The following FRY variants were observed in gnomAD, a reference collection of about 807,000 sequenced individuals.
FRY encodes protein furry homolog.
Under a neutral mutation model 348.4 loss-of-function variants are expected in FRY, and 128 were observed. That is an observed-to-expected ratio of 0.37 (90% confidence interval 0.32 to 0.43). FRY has a LOEUF of 0.43. Among genes scored for constraint, FRY ranks in the 20% least tolerant of loss-of-function variants. The probability of loss-of-function intolerance (pLI) is 1.00; values close to 1 mark genes in which losing one functional copy is unlikely to be tolerated. For missense variants in FRY, 2,736 were observed against 3,695.2 expected (o/e 0.74, Z 6.73); for synonymous variants, 1,370 against 1,374.7 (o/e 1.00, Z 0.08).
chr13:32,183,002 T>C lies in FRY; in HGVS notation c.3022T>C (p.Leu1008=). The C allele has an allele frequency of 1.9e-6, 3 of 1,606,722 alleles. No homozygotes were observed. Among genetic ancestry groups the C allele is most frequent in the Non-Finnish European group, 1.7e-6 (2 of 1,173,780 alleles). The change falls in exon 24 of 61, where the codon TTA becomes CTA. Residue 1008 remains leucine (L), a synonymous_variant. Coordinates refer to ENST00000542859, the MANE Select transcript of FRY (RefSeq NM_023037.3). ...FRELVEELHP[L]MKEALERRPE... is the part of the protein sequence containing the mutation. ...AGAATTGGTAGAAGAACTTCATCCATTAATGAAAGAAGCTCTGGAAAGAAG... is the reference window on the plus strand; with the variant it reads ...AGAATTGGTAGAAGAACTTCATCCACTAATGAAAGAAGCTCTGGAAAGAAG...
chr13:32,151,836 T>A (rs1304628289), intron 14 of FRY, among the ~76,000 whole-genome samples: 1 of 152,134 alleles, frequency 6.6e-6, no homozygotes, highest in Non-Finnish European at 1.5e-5. Context: ...AGCGTATAGA[T>A]TGGAAAGGAA....
intron 2 of FRY, among the ~76,000 whole-genome samples, chr13:32,094,660 C>G (rs1458473414): frequency 6.6e-6 from 1 of 152,152 alleles, no homozygotes; most frequent in Non-Finnish European, 1.5e-5. Flanking sequence ...ACCTCCAGTT[C>G]CATCCATGTT....
chr13:32,036,425 A>C (rs935416107), intron 1 of FRY, among the ~76,000 whole-genome samples: 4 of 152,204 alleles, frequency 2.6e-5, no homozygotes, highest in Non-Finnish European at 5.9e-5. Flanking sequence ...CCATGTTCTC[A>C]AAATAGAAAG....
rs778618289 is a variant in FRY, at chr13:32,161,193, A to G, written c.1834A>G (p.Ile612Val). The G allele has an allele frequency of 3.7e-6, 6 of 1,613,692 alleles. No homozygotes were observed. The highest frequency in any genetic ancestry group is 1.3e-5 in the African/African-American group (1 of 75,032). ...IDLFRTCVAA[I>V]PRLLPDGMSK... ...TCTTTTCAGGACCTGTGTTGCTGCT[A>G]TTCCTCGACTGCTTCCTGATGGGAT... The change falls in exon 17 of 61, where the codon ATT becomes GTT. Residue 612 changes from isoleucine (I) to valine (V), a missense_variant. By Grantham distance (29) the Ile-to-Val change is conservative. This residue lies in a region of FRY where 191 missense variants were observed against 370.2 expected (regional missense o/e 0.52). Transcript: ENST00000542859.
chr13:32,044,130 G>T (rs1418085606), intron 1 of FRY, among the ~76,000 whole-genome samples: 1 of 152,158 alleles, frequency 6.6e-6, no homozygotes, highest in Admixed American at 6.5e-5. Flanking sequence ...AAATTAACAA[G>T]TTCAATATTT....
At chr13:32,153,004 T>G (rs1055656093) in intron 14 of FRY, among the ~76,000 whole-genome samples, 1 of 152,082 alleles carries the variant, frequency 6.6e-6, no homozygotes, top group African/African-American at 2.4e-5. Context: ...TGAAAAGACA[T>G]TCAACCTCAT....
At chr13:32,193,739 C>T (rs921481663) in intron 28 of FRY, among the ~76,000 whole-genome samples, 1 of 152,112 alleles carries the variant, frequency 6.6e-6, no homozygotes, top group Admixed American at 6.5e-5. Flanking sequence ...GCACCCACCA[C>T]CACGCCCAGC....
intron 2 of FRY, among the ~76,000 whole-genome samples, chr13:32,099,372 A>C (rs916390530): frequency 2.6e-5 from 4 of 151,872 alleles, no homozygotes; most frequent in African/African-American, 9.7e-5. Flanking sequence ...ACATACACAC[A>C]CACAAATAAG....
At chr13:32,058,711 G>A (rs1161377960) in intron 1 of FRY, among the ~76,000 whole-genome samples, 2 of 152,168 alleles carry the variant, frequency 1.3e-5, no homozygotes, top group Non-Finnish European at 2.9e-5. Flanking sequence ...AGTCAGGTGA[G>A]GTGGAGGGCA....
intron 28 of FRY, among the ~76,000 whole-genome samples, chr13:32,188,619 G>A (rs1024066131): frequency 2.0e-5 from 3 of 152,078 alleles, no homozygotes; most frequent in East Asian, 1.9e-4. Flanking sequence ...GTCAACAAGC[G>A]AAATTCCTTG....
chr13:32,245,007 T>C (rs919133552), intron 47 of FRY, among the ~76,000 whole-genome samples: 1 of 152,110 alleles, frequency 6.6e-6, no homozygotes, highest in Non-Finnish European at 1.5e-5. Context: ...TGGAGTGCAG[T>C]GGCACAATCT....
chr13:32,179,610 C>G lies in FRY; in HGVS notation c.2872-65C>G, dbSNP rs1882581236. On this transcript the variant is annotated intron_variant, in intron 22 of 60. Transcript: ENST00000542859. ...TTGAAACTGTTATAATGGGATCATC[C>G]TTTGATTAAAGGAACCATCAGTTAC... 17 of 1,505,300 alleles carry G rather than the reference C, an allele frequency of 1.1e-5. No individual in the cohort carries two copies. In the South Asian group the frequency reaches 1.9e-4, roughly 17 times the overall value. 93.2% of individuals were successfully genotyped at this position (1,505,300 alleles called of 1,614,324 possible).
chr13:32,202,171 A>T, intron 30 of FRY, 131 bp downstream of exon 30: 1 of 801,460 alleles, frequency 1.2e-6, no homozygotes, highest in Non-Finnish European at 2.2e-6. Context: ...GGCTATGAAG[A>T]GTGAGAAAGT....
At chr13:32,095,609 C>T (rs1404773152) in intron 2 of FRY, among the ~76,000 whole-genome samples, 30 of 152,100 alleles carry the variant, frequency 2.0e-4, no homozygotes, top group Admixed American at 2.0e-3. Flanking sequence ...TCCCAAAGTG[C>T]TGAGATTATA....
At chr13:32,172,569 A>G (rs1462403017) in intron 18 of FRY, among the ~76,000 whole-genome samples, 1 of 152,156 alleles carries the variant, frequency 6.6e-6, no homozygotes, top group African/African-American at 2.4e-5. Flanking sequence ...TCAGAGGAGA[A>G]CCAGGGTGGT....
chr13:32,203,502 C>T (rs890833754), intron 31 of FRY, among the ~76,000 whole-genome samples: 1 of 152,082 alleles, frequency 6.6e-6, no homozygotes, highest in Non-Finnish European at 1.5e-5. Flanking sequence ...GAGGGCTAAT[C>T]ACCTGAGGTC....
intron 29 of FRY, among the ~76,000 whole-genome samples, chr13:32,195,202 T>C (rs1883602015): frequency 1.3e-5 from 2 of 152,194 alleles, no homozygotes; most frequent in South Asian, 2.1e-4. Context: ...AGATAGTAGA[T>C]AACATTTCAT....
chr13:32,186,091 A>T (rs1193517145), intron 26 of FRY, among the ~76,000 whole-genome samples, 169 bp from the exon 27 acceptor site: 1 of 152,216 alleles, frequency 6.6e-6, no homozygotes, highest in Admixed American at 6.5e-5. Context: ...AAGAGTGCAC[A>T]CTTAGAAAAG....
At chr13:32,142,737 G>A (rs1459109447) in intron 11 of FRY, among the ~76,000 whole-genome samples, 1 of 152,182 alleles carries the variant, frequency 6.6e-6, no homozygotes, top group East Asian at 1.9e-4. Flanking sequence ...GCATCAAGTT[G>A]TTCAGCTACT....
Sources: gnomAD v4.1 joint callset for allele counts (sites outside exome capture counted in the v4.1 genomes callset) on GRCh38, gnomAD v4.1.1 for gene constraint, gnomAD v4.1.1 regional missense constraint, MANE v1.5 for transcripts, NCBI Gene and HGNC (gene_info 2026-07-23, HGNC 2026-07-21) for gene names.